RABGAP1: variants seen among roughly 807,000 people sequenced by gnomAD.
RABGAP1 encodes RAB GTPase activating protein 1.
RABGAP1 carries 23 observed loss-of-function variants against 137.6 expected under a neutral mutation model. That is an observed-to-expected ratio of 0.17 (90% CI 0.12 to 0.24). The LOEUF is 0.24. RABGAP1 is among the 10% of genes least tolerant of loss of function. RABGAP1 has a pLI of 1.00. For missense variants in RABGAP1, 906 were observed against 1,275.8 expected, an observed-to-expected ratio of 0.71 and a Z score of 4.42; for synonymous variants, 451 against 450.7, an observed-to-expected ratio of 1.00 and a Z score of -0.01.
At chr9:122,963,322 T>C (rs1028629374) in intron 2 of RABGAP1, among the ~76,000 whole-genome samples, 4 of 152,178 alleles carry the variant, frequency 2.6e-5, no homozygotes, top group African/African-American at 7.2e-5. Flanking sequence ...AATAAGGAGA[T>C]AGAAGCCTTA....
intron 13 of RABGAP1, chr9:123,034,452 C>T: frequency 2.9e-6 from 2 of 689,578 alleles, no homozygotes; most frequent in Non-Finnish European, 5.1e-6. Flanking sequence ...GAGTAAGGCT[C>T]CTCTGGCATT....
At chr9:122,989,536 G>T in intron 5 of RABGAP1, 65 bp downstream of exon 5, 1 of 1,489,982 alleles carries the variant, frequency 6.7e-7, no homozygotes, top group Non-Finnish European at 9.3e-7. Context: ...AGGTTGAAAT[G>T]ATTATGGTAT....
intron 9 of RABGAP1, among the ~76,000 whole-genome samples, chr9:122,997,624 A>G (rs1332349585): frequency 1.3e-5 from 2 of 150,876 alleles, no homozygotes; most frequent in Admixed American, 1.3e-4. Flanking sequence ...TTACAGACTT[A>G]TAAGTTTTAT....
chr9:123,059,762 G>A (rs780714274), intron 13 of RABGAP1, among the ~76,000 whole-genome samples: 6 of 152,066 alleles, frequency 3.9e-5, no homozygotes, highest in Non-Finnish European at 5.9e-5. Flanking sequence ...GCTGCAAAGC[G>A]ACCCTTCACC....
chr9:123,099,502 T>C lies in RABGAP1; in HGVS notation c.2842T>C (p.Leu948=), dbSNP rs542057631. 7 of 1,612,742 alleles carry C rather than the reference T, an allele frequency of 4.3e-6. No individual in the cohort carries two copies. The highest frequency in any genetic ancestry group is 2.2e-5 in the South Asian group (2 of 91,026). ...GATTTGTTCTCAGTTGAGTGAAAGA[T>C]TGGAGAAGCAGCAGACAGCCAATAA... ...KQICSQLSER[L]EKQQTANKVE... The change falls in exon 24 of 26, where the codon TTG becomes CTG. Residue 948 remains leucine (L), a synonymous_variant. Coordinates refer to ENST00000373647, the MANE Select transcript of RABGAP1 (RefSeq NM_012197.4).
chr9:122,932,130 C>A, the RABGAP1 span, among the ~76,000 whole-genome samples: 2 of 152,174 alleles, frequency 1.3e-5, no homozygotes, highest in African/African-American at 4.8e-5. Flanking sequence ...CATCTCATCT[C>A]CTATCCAGAC....
At chr9:123,056,974 C>T (rs901198646) in intron 13 of RABGAP1, among the ~76,000 whole-genome samples, 5 of 152,368 alleles carry the variant, frequency 3.3e-5, no homozygotes, top group Admixed American at 3.3e-4. Flanking sequence ...ATGGCCCGTT[C>T]TCAATGAGCT....
intron 4 of RABGAP1, among the ~76,000 whole-genome samples, chr9:122,988,747 A>G (rs1176707412): frequency 3.9e-5 from 6 of 152,084 alleles, no homozygotes; most frequent in Non-Finnish European, 8.8e-5. Context: ...CGGAAGATTG[A>G]GACCATTCTG....
rs1194108177 is a variant in RABGAP1 at position 122,986,231 on chromosome 9, T to C, written c.402T>C (p.Ser134=). The C allele has an allele frequency of 1.8e-5, 29 of 1,613,908 alleles. No homozygotes were observed. The Admixed American group carries it at 4.8e-4, about 27-fold the overall frequency. Residue 134 remains serine (S), a synonymous_variant, in exon 4 of 26, where the codon AGT becomes AGC. Coordinates refer to ENST00000373647, the MANE Select transcript of RABGAP1 (RefSeq NM_012197.4). ...KPGQGDSEAS[S]PFTPVADEDS... ...TTCTTTCAGATTCTGAAGCTTCAAGTCCTTTCACACCAGTGGCCGATGAGG... is the reference window on the plus strand; with the variant it reads ...TTCTTTCAGATTCTGAAGCTTCAAGCCCTTTCACACCAGTGGCCGATGAGG...
At chr9:122,934,109 G>A in the RABGAP1 span, among the ~76,000 whole-genome samples, 7 of 143,134 alleles carry the variant, frequency 4.9e-5, no homozygotes, top group South Asian at 1.3e-3. Flanking sequence ...ACAGAGTCTC[G>A]CTCTGTCACC....
chr9:122,946,477 T>C (rs188162464), intron 1 of RABGAP1, among the ~76,000 whole-genome samples: 4 of 152,284 alleles, frequency 2.6e-5, no homozygotes, highest in East Asian at 3.9e-4. Context: ...AAAATACTCA[T>C]ATTTTTACAT....
intron 2 of RABGAP1, among the ~76,000 whole-genome samples, chr9:122,972,257 C>T (rs1171405104): frequency 7.2e-5 from 11 of 152,114 alleles, no homozygotes; most frequent in Admixed American, 7.2e-4. Context: ...CAGTGCGACC[C>T]TGTCTCTTTA....
chr9:122,941,579 T>G (rs1564344212), intron 1 of RABGAP1, among the ~76,000 whole-genome samples: 1 of 152,244 alleles, frequency 6.6e-6, no homozygotes, highest in Non-Finnish European at 1.5e-5. Context: ...TTTCAAAGAC[T>G]TGCTAGTTTT....
chr9:122,989,530 T>A, intron 5 of RABGAP1, 59 bp downstream of exon 5: 1 of 1,508,938 alleles, frequency 6.6e-7, no homozygotes, highest in East Asian at 2.3e-5. Context: ...CTCACTAGGT[T>A]GAAATGATTA....
intron 2 of RABGAP1, among the ~76,000 whole-genome samples, chr9:122,976,951 A>G (rs1270318221): frequency 6.6e-6 from 1 of 152,226 alleles, no homozygotes; most frequent in East Asian, 1.9e-4. Context: ...ACTCTATACA[A>G]AGTATGGGTG....
chr9:122,947,731 G>A (rs1834017328), intron 1 of RABGAP1, among the ~76,000 whole-genome samples: 1 of 152,096 alleles, frequency 6.6e-6, no homozygotes, highest in Non-Finnish European at 1.5e-5. Context: ...GGCCCAAGAT[G>A]ATTGTTTTGA....
chr9:123,032,319 G>A (rs1167911209), intron 13 of RABGAP1, among the ~76,000 whole-genome samples: 1 of 152,220 alleles, frequency 6.6e-6, no homozygotes, highest in Non-Finnish European at 1.5e-5. Flanking sequence ...GAGAGGATAA[G>A]TAATATTAGA....
At chr9:123,089,379 C>T (rs748177699) in intron 19 of RABGAP1, among the ~76,000 whole-genome samples, 2 of 152,104 alleles carry the variant, frequency 1.3e-5, no homozygotes, top group Non-Finnish European at 2.9e-5. Context: ...TAGCACACCT[C>T]GTAGAGGTGC....
At chr9:122,966,609 C>T (rs1835165202) in intron 2 of RABGAP1, among the ~76,000 whole-genome samples, 1 of 151,606 alleles carries the variant, frequency 6.6e-6, no homozygotes, top group African/African-American at 2.4e-5. Flanking sequence ...CAAGTGATAA[C>T]AGTTGGTTCT....
Sources: allele counts gnomAD v4.1 joint callset (sites outside exome capture counted in the v4.1 genomes callset), GRCh38; gene constraint gnomAD v4.1.1; transcripts MANE v1.5; gene names NCBI Gene and HGNC (gene_info 2026-07-23, HGNC 2026-07-21).